The following SEMA5A variants were observed in gnomAD, a reference collection of about 807,000 sequenced individuals.
SEMA5A encodes semaphorin 5A.
SEMA5A carries 55 observed loss-of-function variants against 135.5 expected under a neutral mutation model. That is an observed-to-expected ratio of 0.41 (90% CI 0.33 to 0.51). The LOEUF (loss-of-function observed/expected upper bound fraction) is 0.51. SEMA5A is among the 20% of genes least tolerant of loss of function. SEMA5A has a pLI of 0.37. For missense variants in SEMA5A, 1,290 were observed against 1,419.9 expected, an observed-to-expected ratio of 0.91 and a Z score of 1.47; for synonymous variants, 580 against 546.5, an observed-to-expected ratio of 1.06 and a Z score of -0.85.
chr5:9,330,140 A>AG (rs1311641233), intron 4 of SEMA5A, among the ~76,000 whole-genome samples: 1 of 152,068 alleles, frequency 6.6e-6, no homozygotes, highest in Non-Finnish European at 1.5e-5. Flanking sequence ...GGAAAAAAAA[A>AG]ATACAGATGG....
chr5:9,070,905 A>G (rs1737736059), intron 16 of SEMA5A, among the ~76,000 whole-genome samples: 1 of 152,214 alleles, frequency 6.6e-6, no homozygotes, highest in African/African-American at 2.4e-5. Flanking sequence ...ATTTAATTCT[A>G]TTGTGATCAC....
chr5:9,318,065 G>A (rs1752467294), intron 5 of SEMA5A, among the ~76,000 whole-genome samples: 1 of 152,310 alleles, frequency 6.6e-6, no homozygotes, highest in East Asian at 1.9e-4. Flanking sequence ...AACTGTGGGG[G>A]AAGGAATGTG....
intron 16 of SEMA5A, among the ~76,000 whole-genome samples, chr5:9,106,315 T>C (rs1261547907): frequency 6.6e-6 from 1 of 152,246 alleles, no homozygotes; most frequent in Non-Finnish European, 1.5e-5. Flanking sequence ...AATACATTGA[T>C]ATTTTAGAAA....
intron 5 of SEMA5A, among the ~76,000 whole-genome samples, chr5:9,249,488 T>A (rs1420685010): frequency 6.6e-6 from 1 of 152,204 alleles, no homozygotes; most frequent in African/African-American, 2.4e-5. Context: ...GTGACTCATT[T>A]CCCTGGGTAT....
At chr5:9,301,443 T>G (rs2150612295) in intron 5 of SEMA5A, among the ~76,000 whole-genome samples, 1 of 152,298 alleles carries the variant, frequency 6.6e-6, no homozygotes, top group Admixed American at 6.5e-5. Context: ...GCCAACTAGG[T>G]TACGCCAAAA....
At chr5:9,290,628 A>G (rs1168811670) in intron 5 of SEMA5A, among the ~76,000 whole-genome samples, 8 of 152,176 alleles carry the variant, frequency 5.3e-5, no homozygotes, top group African/African-American at 1.9e-4. Flanking sequence ...TAGATCCCTT[A>G]TATCTTAAAA....
chr5:9,526,177 G>A (rs1737113502), intron 1 of SEMA5A, among the ~76,000 whole-genome samples: 1 of 152,088 alleles, frequency 6.6e-6, no homozygotes, highest in East Asian at 1.9e-4. Context: ...TGCTTCCCAG[G>A]GATTTATAAA....
At chr5:9,443,933 C>T (rs1758332150) in intron 1 of SEMA5A, among the ~76,000 whole-genome samples, 1 of 152,254 alleles carries the variant, frequency 6.6e-6, no homozygotes, top group Non-Finnish European at 1.5e-5. Context: ...CCAGCCCCAA[C>T]CACTCTTACC....
intron 16 of SEMA5A, among the ~76,000 whole-genome samples, chr5:9,075,002 G>A (rs1042313741): frequency 6.6e-6 from 1 of 152,140 alleles, no homozygotes; most frequent in Non-Finnish European, 1.5e-5. Context: ...TCTGAAGACA[G>A]GTTGATGATT....
chr5:9,326,840 A>C (rs1328403255), intron 4 of SEMA5A, among the ~76,000 whole-genome samples: 1 of 152,188 alleles, frequency 6.6e-6, no homozygotes, highest in Non-Finnish European at 1.5e-5. Flanking sequence ...TTGTAAAATT[A>C]GTTTGATTAT....
At chr5:9,457,877 T>C (rs1413536420) in intron 1 of SEMA5A, among the ~76,000 whole-genome samples, 1 of 148,666 alleles carries the variant, frequency 6.7e-6, no homozygotes, top group Non-Finnish European at 1.5e-5. Context: ...AGAAAAATAA[T>C]TCTTGAAAAA....
intron 16 of SEMA5A, among the ~76,000 whole-genome samples, chr5:9,068,825 A>G (rs540567064): frequency 1.3e-5 from 2 of 152,358 alleles, no homozygotes; most frequent in East Asian, 1.9e-4. Context: ...AGCAGGATCC[A>G]TAGGACTCTG....
At chr5:9,049,923 T>C (rs996902617) in intron 21 of SEMA5A, among the ~76,000 whole-genome samples, 1 of 152,240 alleles carries the variant, frequency 6.6e-6, no homozygotes, top group South Asian at 2.1e-4. Flanking sequence ...CATTACAATT[T>C]AGTCATTTCA....
At chr5:9,045,456 A>T (rs181939) in intron 21 of SEMA5A, among the ~76,000 whole-genome samples, 97,006 of 152,112 alleles carry the variant, frequency 0.64, 33,062 homozygotes, top group East Asian at 0.86. Context: ...TTGAGTATGA[A>T]TATGCACACA....
At chr5:9,242,630 G>A (rs1002385978) in intron 5 of SEMA5A, among the ~76,000 whole-genome samples, 3 of 152,086 alleles carry the variant, frequency 2.0e-5, no homozygotes, top group African/African-American at 7.2e-5. Context: ...AGTGGGAGCG[G>A]GGCAAGGCAT....
chr5:9,057,523 A>G (rs1450204347), intron 18 of SEMA5A, among the ~76,000 whole-genome samples: 2 of 152,244 alleles, frequency 1.3e-5, no homozygotes, highest in East Asian at 3.8e-4. Context: ...ATCTGGTATC[A>G]TGGTAAATTC....
chr5:9,080,178 A>AAG (rs1271179322), intron 16 of SEMA5A, among the ~76,000 whole-genome samples: 1 of 152,172 alleles, frequency 6.6e-6, no homozygotes, highest in Non-Finnish European at 1.5e-5. Flanking sequence ...ACTGGATTTA[A>AAG]AAAATGTGGC....
intron 4 of SEMA5A, among the ~76,000 whole-genome samples, chr5:9,322,087 G>T (rs140197489): frequency 1.3e-5 from 2 of 152,116 alleles, no homozygotes; most frequent in African/African-American, 4.8e-5. Context: ...ACCTGCTTCC[G>T]GTTTTCAGGT....
intron 20 of SEMA5A, 92 bp downstream of exon 20, chr5:9,051,781 A>G (rs1367396997): frequency 6.6e-7 from 1 of 1,518,780 alleles, no homozygotes; most frequent in Non-Finnish European, 9.0e-7. Flanking sequence ...TATTTCACCA[A>G]ATAAGCCAAA....
Sources: gnomAD v4.1 joint callset for allele counts (sites outside exome capture counted in the v4.1 genomes callset) on GRCh38, gnomAD v4.1.1 for gene constraint, MANE v1.5 for transcripts, NCBI Gene and HGNC (gene_info 2026-07-23, HGNC 2026-07-21) for gene names.